PTPRM: variants seen among roughly 807,000 people sequenced by gnomAD.
PTPRM encodes receptor-type tyrosine-protein phosphatase mu.
In PTPRM, 47 loss-of-function variants were observed where a neutral mutation model predicts 186.7. The ratio of observed to expected loss-of-function variants is 0.25; its 90% CI spans 0.20 to 0.32. The LOEUF (loss-of-function observed/expected upper bound fraction) is 0.32, where lower values mean the gene tolerates loss of function less well. Among genes scored for constraint, PTPRM ranks in the 10% least tolerant of loss-of-function variants. The probability of loss-of-function intolerance (pLI) is 1.00; values close to 1 mark genes in which losing one functional copy is unlikely to be tolerated. For missense variants in PTPRM, 1,494 were observed against 1,865.0 expected (o/e 0.80, Z 3.66); for synonymous variants, 668 against 674.9 (o/e 0.99, Z 0.16).
chr18:7,891,621 C>T (rs955767468), intron 3 of PTPRM, among the ~76,000 whole-genome samples: 15 of 151,972 alleles, frequency 9.9e-5, no homozygotes, highest in East Asian at 1.9e-4. Flanking sequence ...AGTCCTAGCA[C>T]TTTGGGAGGC....
intron 7 of PTPRM, among the ~76,000 whole-genome samples, chr18:8,019,121 C>T (rs566944010): frequency 3.9e-5 from 6 of 152,252 alleles, no homozygotes; most frequent in African/African-American, 1.2e-4. Flanking sequence ...GTCATCAGTT[C>T]ACTGCACTCT....
chr18:7,701,474 C>T (rs548608880), intron 1 of PTPRM, among the ~76,000 whole-genome samples: 28 of 151,736 alleles, frequency 1.8e-4, no homozygotes, highest in South Asian at 4.1e-4. Context: ...GTGGCGCGTG[C>T]GTGTAGTCCC....
At chr18:8,289,565 TATATATATATAC>T (rs1388808819) in intron 19 of PTPRM, among the ~76,000 whole-genome samples, 1 of 96,604 alleles carries the variant, frequency 1.0e-5, no homozygotes, top group African/African-American at 6.8e-5. Context: ...TATATACACA[TATATATATATAC>T]ATATATATAT....
chr18:7,921,407 G>A (rs1215194534), intron 4 of PTPRM, among the ~76,000 whole-genome samples: 2 of 144,572 alleles, frequency 1.4e-5, no homozygotes, highest in Non-Finnish European at 3.0e-5. Flanking sequence ...TTGAGACAGA[G>A]TCTTGCTCTG....
At chr18:8,007,842 A>G (rs1434960057) in intron 7 of PTPRM, among the ~76,000 whole-genome samples, 1 of 152,116 alleles carries the variant, frequency 6.6e-6, no homozygotes, top group Non-Finnish European at 1.5e-5. Context: ...TATTTCATAC[A>G]TTGCAATTGT....
At chr18:8,332,813 C>T (rs1218847275) in intron 22 of PTPRM, among the ~76,000 whole-genome samples, 4 of 152,178 alleles carry the variant, frequency 2.6e-5, no homozygotes, top group African/African-American at 7.2e-5. Flanking sequence ...TAACAAAACA[C>T]TCTTTAACAT....
chr18:8,308,902 T>C (rs192186528), intron 20 of PTPRM, among the ~76,000 whole-genome samples: 67 of 152,362 alleles, frequency 4.4e-4, no homozygotes, highest in Non-Finnish European at 8.7e-4. Flanking sequence ...TGAGCACAGA[T>C]ATAGAATGTT....
At chr18:7,972,814 C>T (rs1361850980) in intron 7 of PTPRM, among the ~76,000 whole-genome samples, 1 of 151,914 alleles carries the variant, frequency 6.6e-6, no homozygotes, top group Non-Finnish European at 1.5e-5. Context: ...TCTTTCAGTC[C>T]CTTTGCCAGA....
chr18:7,857,904 C>T (rs1301442870), intron 2 of PTPRM, among the ~76,000 whole-genome samples: 1 of 152,140 alleles, frequency 6.6e-6, no homozygotes, highest in African/African-American at 2.4e-5. Flanking sequence ...TGATGGAACC[C>T]TGAAAAAGTA....
chr18:8,059,023 G>C (rs1327927571), intron 7 of PTPRM, among the ~76,000 whole-genome samples: 1 of 126,992 alleles, frequency 7.9e-6, no homozygotes, highest in Admixed American at 7.9e-5. Context: ...GGATGGCATT[G>C]AATCTGTAAA....
intron 1 of PTPRM, among the ~76,000 whole-genome samples, chr18:7,625,409 A>G (rs2038036446): frequency 6.6e-6 from 1 of 152,232 alleles, no homozygotes. Context: ...TTGGCTTAAA[A>G]ATGAAGAAGA....
chr18:7,827,823 A>G (rs1203721923), intron 2 of PTPRM, among the ~76,000 whole-genome samples: 1 of 152,200 alleles, frequency 6.6e-6, no homozygotes, highest in Non-Finnish European at 1.5e-5. Flanking sequence ...GATTGTCAGG[A>G]GGCATGGTTT....
At chr18:8,106,880 C>A (rs1187472318) in intron 11 of PTPRM, among the ~76,000 whole-genome samples, 2 of 152,164 alleles carry the variant, frequency 1.3e-5, no homozygotes, top group African/African-American at 4.8e-5. Context: ...ATCAGCACCC[C>A]CTTGGGCACA....
chr18:7,717,065 A>G (rs1320703411), intron 1 of PTPRM, among the ~76,000 whole-genome samples: 1 of 152,214 alleles, frequency 6.6e-6, no homozygotes, highest in Non-Finnish European at 1.5e-5. Flanking sequence ...CTTGGAACCA[A>G]CCCAAATGCC....
At chr18:7,595,587 C>T (rs2037236022) in intron 1 of PTPRM, among the ~76,000 whole-genome samples, 1 of 152,086 alleles carries the variant, frequency 6.6e-6, no homozygotes, top group African/African-American at 2.4e-5. Flanking sequence ...AAGGGAGGCC[C>T]AGCATGTCAA....
chr18:7,928,063 C>T (rs541775868), intron 5 of PTPRM, among the ~76,000 whole-genome samples: 1 of 152,276 alleles, frequency 6.6e-6, no homozygotes, highest in South Asian at 2.1e-4. Flanking sequence ...TTATTCTTCT[C>T]TTTCTGGGGA....
At chr18:8,065,863 T>A (rs2089029427) in intron 7 of PTPRM, among the ~76,000 whole-genome samples, 1 of 152,218 alleles carries the variant, frequency 6.6e-6, no homozygotes, top group Non-Finnish European at 1.5e-5. Flanking sequence ...GAGTTGCAAT[T>A]AGCCTACCAA....
At chr18:7,890,344 A>C (rs1049421809) in intron 3 of PTPRM, among the ~76,000 whole-genome samples, 1 of 152,168 alleles carries the variant, frequency 6.6e-6, no homozygotes, top group Non-Finnish European at 1.5e-5. Flanking sequence ...CGTGAACAGC[A>C]TCCAGTAATC....
rs1422280238 is a variant in PTPRM at position 8,009,327 on chromosome 18, T to TA, written c.1132+53913_1132+53914insA. Among the ~76,000 whole-genome samples the TA allele has an allele frequency of 2.6e-5, 4 of 151,812 alleles. No individual in the cohort carries two copies. In the East Asian group the frequency reaches 7.7e-4, roughly 29 times the overall value. On this transcript the variant is annotated intron_variant, in intron 7 of 32. Transcript: ENST00000580170. Reference sequence around the variant, plus strand: ...ATACCTTATTGGCTTCCATAACTTTTTTTTTTTTTTTACCCTGAAAGCCTG... The same window carrying TA: ...ATACCTTATTGGCTTCCATAACTTTTATTTTTTTTTTTACCCTGAAAGCCTG...
Sources: allele counts gnomAD v4.1 joint callset (sites outside exome capture counted in the v4.1 genomes callset), GRCh38; gene constraint gnomAD v4.1.1; transcripts MANE v1.5; gene names NCBI Gene and HGNC (gene_info 2026-07-23, HGNC 2026-07-21).